The following ST6GAL1 variants were observed in gnomAD, a reference collection of about 807,000 sequenced individuals.
The protein encoded by ST6GAL1 is ST6 beta-galactoside alpha-2,6-sialyltransferase 1, also known as beta-galactoside alpha-2,6-sialyltransferase 1.
Under a neutral mutation model 38.0 loss-of-function variants are expected in ST6GAL1, and 20 were observed. That is an observed-to-expected ratio of 0.53 (90% confidence interval 0.37 to 0.77). The LOEUF is 0.77. Among genes scored for constraint, ST6GAL1 ranks in the 30% least tolerant of loss-of-function variants. The probability of loss-of-function intolerance (pLI) is 0.00; values close to 1 mark genes in which losing one functional copy is unlikely to be tolerated. For missense variants in ST6GAL1, 432 were observed against 496.4 expected (o/e 0.87, Z 1.23); for synonymous variants, 196 against 188.2 (o/e 1.04, Z -0.34).
At chr3:187,037,651 T>A (rs1717975774) in intron 2 of ST6GAL1, among the ~76,000 whole-genome samples, 2 of 151,982 alleles carry the variant, frequency 1.3e-5, no homozygotes, top group African/African-American at 4.8e-5. Context: ...CGCTCATAGC[T>A]CACTGCAGCC....
Position 186,952,795 on chromosome 3 carries a change from A to G in ST6GAL1, c.-324-10990A>G, listed in dbSNP as rs1171289800. Among the ~76,000 whole-genome samples, 2 of 152,086 alleles carry G rather than the reference A, an allele frequency of 1.3e-5. No homozygotes were observed. Among genetic ancestry groups the G allele is most frequent in the Non-Finnish European group, 2.9e-5 (2 of 68,022 alleles). On this transcript the variant is annotated intron_variant, in intron 1 of 7. Coordinates refer to ENST00000169298, the MANE Select transcript of ST6GAL1 (RefSeq NM_173216.2). The surrounding 1 kb of genome is among the most constrained non-coding windows in gnomAD (Gnocchi z 4.1). ...TCCATGCTCAGATATTCAACCATCTACTTGACAAGTTTCCTTAGACATCTA... is the reference window on the plus strand; with the variant it reads ...TCCATGCTCAGATATTCAACCATCTGCTTGACAAGTTTCCTTAGACATCTA...
intron 2 of ST6GAL1, among the ~76,000 whole-genome samples, chr3:187,004,430 GT>G (rs527298211): frequency 7.8e-4 from 119 of 152,302 alleles, no homozygotes; most frequent in African/African-American, 2.7e-3. Context: ...TGATACCAAA[GT>G]TTTTCTATAG....
chr3:186,981,185 G>A (rs529396777), intron 2 of ST6GAL1, among the ~76,000 whole-genome samples: 74 of 152,334 alleles, frequency 4.9e-4, no homozygotes, highest in African/African-American at 1.8e-3. Flanking sequence ...ACCAGAAGAG[G>A]TTCAGAGAGC....
intron 2 of ST6GAL1, among the ~76,000 whole-genome samples, chr3:186,973,122 G>A (rs6802782): frequency 0.074 from 11,310 of 152,086 alleles, 474 homozygotes; most frequent in Middle Eastern, 0.15. Context: ...TGCAACCTCC[G>A]CCTCCTGGGT....
At chr3:187,053,833 A>T (rs546105096) in intron 5 of ST6GAL1, among the ~76,000 whole-genome samples, 1 of 152,330 alleles carries the variant, frequency 6.6e-6, no homozygotes, top group African/African-American at 2.4e-5. Flanking sequence ...CAATTCTGTG[A>T]AGAATGTCAT....
chr3:187,031,592 C>T (rs752552660), intron 2 of ST6GAL1, among the ~76,000 whole-genome samples: 16 of 152,178 alleles, frequency 1.1e-4, no homozygotes, highest in East Asian at 5.8e-4. Flanking sequence ...CACGTCACCA[C>T]GCCCCGCTAG....
At chr3:186,984,202 C>A (rs1715786176) in intron 2 of ST6GAL1, among the ~76,000 whole-genome samples, 1 of 152,194 alleles carries the variant, frequency 6.6e-6, no homozygotes. Flanking sequence ...CTAAAATATA[C>A]CCACTTCTCT....
chr3:187,001,590 G>C (rs868069194), intron 2 of ST6GAL1, among the ~76,000 whole-genome samples: 13 of 152,220 alleles, frequency 8.5e-5, no homozygotes, highest in Admixed American at 6.5e-4. Context: ...TCAGCATCAT[G>C]TTAGGGGTTT....
chr3:187,070,677 C>A (rs535768369), intron 5 of ST6GAL1, among the ~76,000 whole-genome samples: 15 of 152,186 alleles, frequency 9.9e-5, no homozygotes, highest in African/African-American at 3.6e-4. Flanking sequence ...CCCGCCTCGG[C>A]CTCCCAAAGT....
At chr3:186,964,086 A>G (rs960979011) in intron 2 of ST6GAL1, 160 bp downstream of exon 2, 12 of 152,244 alleles carry the variant, frequency 7.9e-5, no homozygotes, top group African/African-American at 2.2e-4. Context: ...GGCAAGGTCA[A>G]TTGGTGGCCA....
In ST6GAL1 at chr3:186,990,908, T is replaced by G. The variant is rs536363589; in HGVS notation, c.-183+26982T>G. 2.5e-3 allele frequency among the ~76,000 whole-genome samples: 373 copies of G among 151,978 alleles called. 1 individual carries two copies. The highest frequency in any genetic ancestry group is 8.7e-3 in the African/African-American group (359 of 41,458). On this transcript the variant is annotated intron_variant, in intron 2 of 7. Coordinates refer to ENST00000169298, the MANE Select transcript of ST6GAL1 (RefSeq NM_173216.2). ...GTTCCAGTAAGTTCTCCTCACTCCC[T>G]CTCATGCTTGTCCGCCTCCCCACCT...
intron 1 of ST6GAL1, among the ~76,000 whole-genome samples, chr3:186,938,471 C>T (rs1463131085): frequency 6.6e-6 from 1 of 152,194 alleles, no homozygotes; most frequent in Non-Finnish European, 1.5e-5. Flanking sequence ...GCCAGGTATA[C>T]AAGAAGCATT....
intron 1 of ST6GAL1, among the ~76,000 whole-genome samples, chr3:186,959,510 T>C (rs1449188163): frequency 6.6e-6 from 1 of 152,124 alleles, no homozygotes; most frequent in African/African-American, 2.4e-5. Flanking sequence ...ACACAGTAGT[T>C]GCTAACAAAA....
rs904259872 is a variant in ST6GAL1 at position 186,935,368 on chromosome 3, A to G, written c.-325+4534A>G. 5.1e-5 allele frequency among the ~76,000 whole-genome samples: 7 copies of G among 136,654 alleles called. No homozygotes were observed. The East Asian group carries it at 1.5e-3, about 29-fold the overall frequency. The allele number at this position is 136,654 out of a possible 152,430, so 89.7% of individuals were successfully genotyped here. On this transcript the variant is annotated intron_variant, in intron 1 of 7. Transcript: ENST00000169298. The stretch of plus-strand genomic sequence containing the variant: ...CTTTTTTATGGCTGCATAGTATTCC[A>G]TAGTATATATATATATGTACCACAT...
chr3:187,018,262 T>TA (rs1217566365), intron 2 of ST6GAL1, among the ~76,000 whole-genome samples: 1 of 152,156 alleles, frequency 6.6e-6, no homozygotes, highest in African/African-American at 2.4e-5. Flanking sequence ...TTTGCCTAGT[T>TA]AGGGGCTGTT....
intron 2 of ST6GAL1, among the ~76,000 whole-genome samples, chr3:186,966,785 G>T (rs559635223): frequency 6.6e-6 from 1 of 152,126 alleles, no homozygotes; most frequent in African/African-American, 2.4e-5. Context: ...AGATCTCCCC[G>T]CCAGTTAGAA....
intron 4 of ST6GAL1, among the ~76,000 whole-genome samples, chr3:187,046,838 T>A (rs539082364): frequency 6.6e-6 from 1 of 152,374 alleles, no homozygotes; most frequent in Admixed American, 6.5e-5. Flanking sequence ...ACTCTGCTGT[T>A]GTACTGCAGA....
intron 2 of ST6GAL1, among the ~76,000 whole-genome samples, chr3:186,995,066 A>T (rs148150528): frequency 0.01 from 1,547 of 152,274 alleles, 34 homozygotes; most frequent in East Asian, 0.08. Flanking sequence ...AATTTTCCTC[A>T]ATTATTATAT....
intron 5 of ST6GAL1, among the ~76,000 whole-genome samples, chr3:187,058,233 CT>C (rs1181372108): frequency 6.6e-6 from 1 of 152,200 alleles, no homozygotes; most frequent in East Asian, 1.9e-4. Context: ...GGGAAGTCCC[CT>C]GACCCCTTGC....
Sources: gnomAD v4.1 joint callset for allele counts (sites outside exome capture counted in the v4.1 genomes callset) on GRCh38, gnomAD v4.1.1 for gene constraint, Gnocchi (gnomAD v3.1) non-coding constraint, MANE v1.5 for transcripts, NCBI Gene and HGNC (gene_info 2026-07-23, HGNC 2026-07-21) for gene names.